Variants in CLTCL1 observed in about 807,000 individuals in gnomAD.
The protein encoded by CLTCL1 is clathrin heavy chain like 1.
In CLTCL1, 159 loss-of-function variants were observed where a neutral mutation model predicts 190.0. The observed-to-expected ratio is 0.84, with a 90% CI of 0.74 to 0.95. The LOEUF is 0.95. Among genes scored for constraint, CLTCL1 ranks in the 40% least tolerant of loss-of-function variants. The pLI is 0.00. For missense variants in CLTCL1, 1,878 were observed against 2,033.4 expected (o/e 0.92, Z 1.47); for synonymous variants, 752 against 769.6 (o/e 0.98, Z 0.38).
intron 9 of CLTCL1, chr22:19,232,845 C>T: frequency 1.7e-6 from 1 of 584,338 alleles, no homozygotes; most frequent in Non-Finnish European, 2.9e-6. Flanking sequence ...TGTGTGCAAA[C>T]ACAGCCTGCC....
At chr22:19,189,561 G>T (rs554607126) in intron 27 of CLTCL1, among the ~76,000 whole-genome samples, 1 of 152,276 alleles carries the variant, frequency 6.6e-6, no homozygotes, top group South Asian at 2.1e-4. Context: ...GTTCAAGTTG[G>T]ATCCTAAGAT....
intron 1 of CLTCL1, among the ~76,000 whole-genome samples, chr22:19,278,270 G>C (rs1282210175): frequency 1.3e-5 from 2 of 152,020 alleles, no homozygotes; most frequent in Non-Finnish European, 2.9e-5. Context: ...GTATTATATT[G>C]CTTAACATTT....
In CLTCL1 at chr22:19,179,684, T is replaced by A. The variant is rs1555924738; in HGVS notation, c.*306A>T. On this transcript the variant is annotated 3_prime_UTR_variant, in exon 33 of 33. Coordinates refer to ENST00000427926, the MANE Select transcript of CLTCL1 (RefSeq NM_007098.4). ...TCTCTGTTGTCGGCTAAAGCTGGTC[T>A]TGCGCCGTCAGCCTCTACCCTGGCC... 1 of 164,086 alleles carries A rather than the reference T, an allele frequency of 6.1e-6. No individual in the cohort carries two copies. 10.2% of individuals were successfully genotyped at this position (164,086 alleles called of 1,614,324 possible).
At chr22:19,252,875 A>G (rs374675364) in intron 3 of CLTCL1, among the ~76,000 whole-genome samples, 189 of 152,168 alleles carry the variant, frequency 1.2e-3, no homozygotes, top group Non-Finnish European at 2.1e-3. Context: ...TTAGCCAGGC[A>G]TGGTGGTGGG....
At chr22:19,266,703 C>T (rs1315911891) in intron 2 of CLTCL1, among the ~76,000 whole-genome samples, 1 of 152,178 alleles carries the variant, frequency 6.6e-6, no homozygotes, top group East Asian at 1.9e-4. Context: ...AACCACCATA[C>T]ACCATGACCA....
At chr22:19,261,058 G>A (rs2086932110) in intron 2 of CLTCL1, among the ~76,000 whole-genome samples, 1 of 151,874 alleles carries the variant, frequency 6.6e-6, no homozygotes, top group South Asian at 2.1e-4. Flanking sequence ...CATCAATTCT[G>A]CAATCCGTGG....
intron 19 of CLTCL1, among the ~76,000 whole-genome samples, chr22:19,212,600 A>AAAGG (rs200691747): frequency 0.047 from 6,943 of 148,892 alleles, 216 homozygotes; most frequent in African/African-American, 0.091. Context: ...AGAAAGAAAG[A>AAAGG]AAGGAAGGAA....
At chr22:19,186,079 CA>C (rs370314639) in intron 29 of CLTCL1, among the ~76,000 whole-genome samples, 65 of 152,326 alleles carry the variant, frequency 4.3e-4, no homozygotes, top group African/African-American at 1.5e-3. Flanking sequence ...AACACTGATG[CA>C]GGCATCAGAG....
Position 19,235,683 on chromosome 22 carries a change from C to T in CLTCL1, c.969+13G>A, listed in dbSNP as rs782500357. 3 of 1,603,330 alleles carry T rather than the reference C, an allele frequency of 1.9e-6. No individual in the cohort carries two copies. The highest frequency in any genetic ancestry group is 2.6e-6 in the Non-Finnish European group (3 of 1,174,402). ...ATGGAAAAGGTAGAAAATGAAATGTCAGAGTTACACACCTGTCCCTTTTTG... is the reference window on the plus strand; with the variant it reads ...ATGGAAAAGGTAGAAAATGAAATGTTAGAGTTACACACCTGTCCCTTTTTG... On this transcript the variant is annotated intron_variant, in intron 6 of 32. Transcript: ENST00000427926.
chr22:19,257,732 T>A (rs1193070373), intron 2 of CLTCL1: 3 of 1,234,874 alleles, frequency 2.4e-6, no homozygotes, highest in Non-Finnish European at 3.3e-6. Flanking sequence ...TGGCCAGGGG[T>A]CTGGCAGGAA....
chr22:19,261,446 A>G (rs559950785), intron 2 of CLTCL1, among the ~76,000 whole-genome samples: 2 of 152,316 alleles, frequency 1.3e-5, no homozygotes, highest in Admixed American at 1.3e-4. Context: ...GCTGCCATAA[A>G]TATGTCTCCT....
At chr22:19,232,045 A>C (rs2085931490) in intron 10 of CLTCL1, among the ~76,000 whole-genome samples, 1 of 152,210 alleles carries the variant, frequency 6.6e-6, no homozygotes, top group Non-Finnish European at 1.5e-5. Flanking sequence ...GTTACACTAA[A>C]AAACAGGCTG....
intron 26 of CLTCL1, among the ~76,000 whole-genome samples, chr22:19,194,758 C>G (rs1201993957): frequency 5.9e-5 from 9 of 152,224 alleles, no homozygotes; most frequent in African/African-American, 2.2e-4. Context: ...TAGCAAGCTC[C>G]CCTGCTCAGG....
chr22:19,274,410 T>C (rs984287221), intron 2 of CLTCL1, among the ~76,000 whole-genome samples: 33 of 152,160 alleles, frequency 2.2e-4, no homozygotes, highest in African/African-American at 7.5e-4. Flanking sequence ...AAGAGACAGA[T>C]AAAAGCATCA....
rs529341022 is a variant in CLTCL1, at chr22:19,230,938, G to T, written c.1645-963C>A. On this transcript the variant is annotated intron_variant, in intron 10 of 32. Transcript: ENST00000427926. Reference sequence around the variant, plus strand: ...TGGGGGCACAAAAAAGGAAAGAATAGATTTCTTCTCTCTTTCTCCTGGAGC... The same window carrying T: ...TGGGGGCACAAAAAAGGAAAGAATATATTTCTTCTCTCTTTCTCCTGGAGC... Among the ~76,000 whole-genome samples, 8 of 152,230 alleles carry T rather than the reference G, an allele frequency of 5.3e-5. No individual in the cohort carries two copies. The South Asian group carries it at 1.5e-3, about 28-fold the overall frequency.
intron 19 of CLTCL1, among the ~76,000 whole-genome samples, chr22:19,211,766 C>CAAAAAAAAAAA (rs66494838): frequency 1.4e-4 from 6 of 42,702 alleles, no homozygotes; most frequent in Non-Finnish European, 1.9e-4. Flanking sequence ...GATTGCATCT[C>CAAAAAAAAAAA]AAAAAAAAAA....
rs2084084697 is a variant in CLTCL1 at position 19,180,240 on chromosome 22, T to TA, written c.4904-3dup. On this transcript the variant is annotated splice_region_variant and splice_polypyrimidine_tract_variant and intron_variant, in intron 31 of 32. Coordinates refer to ENST00000427926, the MANE Select transcript of CLTCL1 (RefSeq NM_007098.4). ...GGTCTCATTCATGCCCATCAAAATC[T>TA]AAAAAAACCAGAATGACATTAATGG... 4.3e-6 allele frequency: 7 copies of TA among 1,613,620 alleles called. No individual in the cohort carries two copies. Among genetic ancestry groups the TA allele is most frequent in the East Asian group, 2.2e-5 (1 of 44,874 alleles).
At chr22:19,201,839 C>T (rs560737890) in intron 22 of CLTCL1, among the ~76,000 whole-genome samples, 1 of 152,230 alleles carries the variant, frequency 6.6e-6, no homozygotes, top group African/African-American at 2.4e-5. Context: ...TCAATAAAAA[C>T]CGTTCACAAC....
intron 18 of CLTCL1, among the ~76,000 whole-genome samples, chr22:19,217,081 A>G (rs1223516729): frequency 6.6e-6 from 1 of 152,214 alleles, no homozygotes; most frequent in Non-Finnish European, 1.5e-5. Flanking sequence ...GGTCAAGGTC[A>G]GTCCAGTCCA....
Sources: gnomAD v4.1 joint callset for allele counts (sites outside exome capture counted in the v4.1 genomes callset) on GRCh38, gnomAD v4.1.1 for gene constraint, MANE v1.5 for transcripts, NCBI Gene and HGNC (gene_info 2026-07-23, HGNC 2026-07-21) for gene names.